Variants in NRCAM observed in about 807,000 individuals in gnomAD.
NRCAM encodes NgCAM-related cell adhesion molecule.
Under a neutral mutation model 156.5 loss-of-function variants are expected in NRCAM, and 83 were observed. That is an observed-to-expected ratio of 0.53 (90% CI 0.44 to 0.64). The LOEUF is 0.64. Ranked by LOEUF, NRCAM falls within the 30% of genes least tolerant of loss-of-function variation. The pLI, the probability that NRCAM is intolerant of heterozygous loss-of-function variation, is 0.00. For missense variants in NRCAM, 1,417 were observed against 1,597.3 expected, an observed-to-expected ratio of 0.89 and a Z score of 1.92; for synonymous variants, 538 against 563.9, an observed-to-expected ratio of 0.95 and a Z score of 0.65.
At chr7:108,450,748 G>C (rs1188218850) in intron 1 of NRCAM, among the ~76,000 whole-genome samples, 1 of 152,076 alleles carries the variant, frequency 6.6e-6, no homozygotes, top group African/African-American at 2.4e-5. Context: ...GCTTATCCTG[G>C]ACTTGGACTA....
At chr7:108,175,297 A>C (rs1451797266) in intron 28 of NRCAM, 25 bp downstream of exon 28, 1 of 1,549,286 alleles carries the variant, frequency 6.5e-7, no homozygotes, top group South Asian at 1.2e-5. Flanking sequence ...CACATGTATA[A>C]AGTCATGCAG....
chr7:108,427,009 T>C (rs867948040), intron 1 of NRCAM, among the ~76,000 whole-genome samples: 1 of 152,342 alleles, frequency 6.6e-6, no homozygotes, highest in Middle Eastern at 3.4e-3. Context: ...ATTCATCCAA[T>C]CTACTTCTCC....
At chr7:108,443,485 C>T (rs1840864123) in intron 1 of NRCAM, among the ~76,000 whole-genome samples, 1 of 152,222 alleles carries the variant, frequency 6.6e-6, no homozygotes, top group African/African-American at 2.4e-5. Flanking sequence ...CATTTTTACC[C>T]TGCCCCACTG....
At chr7:108,322,052 C>A (rs777496841) in intron 2 of NRCAM, among the ~76,000 whole-genome samples, 2 of 152,056 alleles carry the variant, frequency 1.3e-5, no homozygotes. Flanking sequence ...GGCTGTGCAT[C>A]TTTTTTTGTT....
intron 2 of NRCAM, among the ~76,000 whole-genome samples, chr7:108,345,281 A>C (rs1021523909): frequency 2.0e-5 from 3 of 152,208 alleles, no homozygotes; most frequent in African/African-American, 7.2e-5. Flanking sequence ...TCAGTTATTC[A>C]GTAAGATGAT....
intron 8 of NRCAM, among the ~76,000 whole-genome samples, chr7:108,227,336 A>C (rs1042074039): frequency 1.3e-5 from 2 of 152,248 alleles, no homozygotes; most frequent in Admixed American, 6.5e-5. Context: ...TTTTATGGAC[A>C]CATAATAAAC....
chr7:108,241,109 T>A (rs540896363), intron 3 of NRCAM, among the ~76,000 whole-genome samples: 102 of 152,294 alleles, frequency 6.7e-4, no homozygotes, highest in Admixed American at 1.4e-3. Flanking sequence ...CTAGAAGTTA[T>A]TTCACCACCA....
intron 2 of NRCAM, among the ~76,000 whole-genome samples, chr7:108,373,597 T>C (rs2099643074): frequency 6.6e-6 from 1 of 152,158 alleles, no homozygotes; most frequent in African/African-American, 2.4e-5. Flanking sequence ...TCAGTTATGG[T>C]TGTTAGCACA....
intron 6 of NRCAM, among the ~76,000 whole-genome samples, chr7:108,233,291 A>C (rs907463271): frequency 1.3e-5 from 2 of 152,070 alleles, no homozygotes; most frequent in African/African-American, 2.4e-5. Flanking sequence ...TAAACGTCAC[A>C]GTGTTTTCTA....
chr7:108,355,655 C>T (rs1467152311), intron 2 of NRCAM, among the ~76,000 whole-genome samples: 1 of 152,224 alleles, frequency 6.6e-6, no homozygotes, highest in Non-Finnish European at 1.5e-5. Context: ...CACCATCTCA[C>T]CTGGCAAATG....
intron 13 of NRCAM, among the ~76,000 whole-genome samples, chr7:108,205,882 C>G (rs2153559802): frequency 6.6e-6 from 1 of 152,248 alleles, no homozygotes; most frequent in South Asian, 2.1e-4. Flanking sequence ...CATGAGCCAC[C>G]ATAAAACTTT....
intron 2 of NRCAM, among the ~76,000 whole-genome samples, chr7:108,316,959 G>C (rs1382191055): frequency 2.6e-5 from 4 of 152,172 alleles, no homozygotes; most frequent in African/African-American, 9.7e-5. Flanking sequence ...ACTGCAAGGT[G>C]TAAGAGAGCT....
At chr7:108,450,939 C>T (rs1029025372) in intron 1 of NRCAM, among the ~76,000 whole-genome samples, 10 of 152,140 alleles carry the variant, frequency 6.6e-5, no homozygotes, top group Non-Finnish European at 1.5e-4. Context: ...ATAACAGTGG[C>T]TGGGCGTGGT....
At chr7:108,259,738 C>A (rs2096822344) in intron 3 of NRCAM, among the ~76,000 whole-genome samples, 1 of 152,202 alleles carries the variant, frequency 6.6e-6, no homozygotes, top group African/African-American at 2.4e-5. Flanking sequence ...TAAACTACTG[C>A]AGGAACAGAA....
chr7:108,356,895 G>T (rs1313223955), intron 2 of NRCAM, among the ~76,000 whole-genome samples: 1 of 152,156 alleles, frequency 6.6e-6, no homozygotes, highest in East Asian at 1.9e-4. Flanking sequence ...TGGGCCCTTT[G>T]GGAAGTATTT....
chr7:108,435,114 A>G (rs1830483295), intron 1 of NRCAM, among the ~76,000 whole-genome samples: 1 of 152,178 alleles, frequency 6.6e-6, no homozygotes, highest in African/African-American at 2.4e-5. Flanking sequence ...ATCAGCTATT[A>G]TAAATATGTT....
intron 1 of NRCAM, among the ~76,000 whole-genome samples, chr7:108,410,559 G>A (rs1011724968): frequency 1.3e-5 from 2 of 152,194 alleles, no homozygotes; most frequent in African/African-American, 4.8e-5. Flanking sequence ...CTGAGGTAGG[G>A]ACTGGGCCTT....
Position 108,197,957 on chromosome 7 carries a change from C to G in NRCAM, c.1350G>C (p.Leu450=). 1 of 1,566,598 alleles carries G rather than the reference C, an allele frequency of 6.4e-7. No homozygotes were observed. The highest frequency in any genetic ancestry group is 8.6e-7 in the Non-Finnish European group (1 of 1,159,872). ...YLLANAFVNV[L]AEPPRILTPA... ...GTCTTTAATAAAATGAGAGCTTACC[C>G]AGCACATTTACAAATGCGTTTGCCA... Residue 450 remains leucine, a splice_region_variant and synonymous_variant, in exon 14 of 33, where the codon CTG becomes CTC. Coordinates refer to ENST00000379028, the MANE Select transcript of NRCAM (RefSeq NM_001037132.4).
At position 108,148,009 on chromosome 7, in the gene NRCAM, G is replaced by T. The variant is rs1011385717; in HGVS notation, c.*1901C>A. 1 of 152,614 alleles carries T rather than the reference G, an allele frequency of 6.6e-6. No individual in the cohort carries two copies. Among genetic ancestry groups the T allele is most frequent in the Non-Finnish European group, 1.5e-5 (1 of 68,028 alleles). The allele number at this position is 152,614 out of a possible 1,614,324, so 9.5% of individuals were successfully genotyped here. A position where few individuals can be genotyped will look rare whatever the true frequency, so the allele number is the denominator to read the frequency against. The stretch of plus-strand genomic sequence containing the variant: ...ATTTTCAAGAGACAGGTGGATCTGT[G>T]AAAAATGAATATAGAGACATGAAAG... On this transcript the variant is annotated 3_prime_UTR_variant, in exon 33 of 33. Coordinates refer to ENST00000379028, the MANE Select transcript of NRCAM (RefSeq NM_001037132.4).
Sources: gnomAD v4.1 joint callset for allele counts (sites outside exome capture counted in the v4.1 genomes callset) on GRCh38, gnomAD v4.1.1 for gene constraint, MANE v1.5 for transcripts, NCBI Gene and HGNC (gene_info 2026-07-23, HGNC 2026-07-21) for gene names.